GALNT13: variants seen among roughly 807,000 people sequenced by gnomAD.
GALNT13 encodes UDP-GalNAc:polypeptide N-acetylgalactosaminyltransferase 13.
Under a neutral mutation model 64.2 loss-of-function variants are expected in GALNT13, and 28 were observed. The ratio of observed to expected loss-of-function variants is 0.44; its 90% CI spans 0.32 to 0.60. GALNT13 has a LOEUF of 0.60. GALNT13 is among the 20% of genes least tolerant of loss of function. GALNT13 has a pLI of 0.05. For missense variants in GALNT13, 577 were observed against 669.8 expected (o/e 0.86, Z 1.53); for synonymous variants, 214 against 224.6 (o/e 0.95, Z 0.42).
At chr2:153,881,778 C>G (rs1881210) in intron 1 of GALNT13, among the ~76,000 whole-genome samples, 11 of 151,938 alleles carry the variant, frequency 7.2e-5, no homozygotes, top group Non-Finnish European at 1.5e-4. Context: ...TTTCCACAAA[C>G]AGAACAGGAT....
chr2:153,492,608 A>G, the GALNT13 span, among the ~76,000 whole-genome samples: 1 of 152,350 alleles, frequency 6.6e-6, no homozygotes, highest in African/African-American at 2.4e-5. Flanking sequence ...GAGCATAACA[A>G]AAACAACAGA....
chr2:153,118,632 C>T, the GALNT13 span, among the ~76,000 whole-genome samples: 2 of 151,816 alleles, frequency 1.3e-5, no homozygotes, highest in South Asian at 4.1e-4. Flanking sequence ...CATAAAGGCT[C>T]AATAAATAAT....
the GALNT13 span, among the ~76,000 whole-genome samples, chr2:153,414,398 A>T: frequency 0.21 from 30,466 of 148,170 alleles, 4,280 homozygotes; most frequent in African/African-American, 0.41. Context: ...AAAAAAAAAT[A>T]AAATAAAAAG....
the GALNT13 span, among the ~76,000 whole-genome samples, chr2:153,664,651 T>A: frequency 6.6e-6 from 1 of 152,208 alleles, no homozygotes; most frequent in Admixed American, 6.5e-5. Flanking sequence ...TAATTTATGT[T>A]CAGAGATTGC....
intron 3 of GALNT13, among the ~76,000 whole-genome samples, chr2:153,953,054 T>C (rs1692308039): frequency 6.6e-6 from 1 of 152,108 alleles, no homozygotes; most frequent in East Asian, 1.9e-4. Flanking sequence ...CTCAGTCCAC[T>C]GACTCAAATG....
chr2:153,614,710 C>T, the GALNT13 span, among the ~76,000 whole-genome samples: 19 of 152,084 alleles, frequency 1.2e-4, 1 homozygote, highest in South Asian at 2.7e-3. Context: ...CCATGAGACA[C>T]ACTGATTTTG....
the GALNT13 span, among the ~76,000 whole-genome samples, chr2:153,749,267 T>C: frequency 2.0e-5 from 3 of 152,014 alleles, no homozygotes; most frequent in African/African-American, 7.2e-5. Flanking sequence ...GTAATATAAT[T>C]CCTCCAGTTT....
chr2:153,332,534 GTT>G, the GALNT13 span, among the ~76,000 whole-genome samples: 8 of 136,252 alleles, frequency 5.9e-5, no homozygotes, highest in East Asian at 6.5e-4. Flanking sequence ...TGAGAGTATT[GTT>G]TTTTTTTTTT....
At chr2:153,571,977 A>G in the GALNT13 span, among the ~76,000 whole-genome samples, 1 of 151,690 alleles carries the variant, frequency 6.6e-6, no homozygotes, top group Non-Finnish European at 1.5e-5. Context: ...GAGTTTGGAA[A>G]TATTCTGTCC....
chr2:154,433,035 G>A (rs2105452691), intron 11 of GALNT13, among the ~76,000 whole-genome samples: 1 of 152,288 alleles, frequency 6.6e-6, no homozygotes, highest in South Asian at 2.1e-4. Context: ...TGCAACCCAT[G>A]CAATCACACA....
chr2:153,653,684 T>G, the GALNT13 span, among the ~76,000 whole-genome samples: 1 of 152,120 alleles, frequency 6.6e-6, no homozygotes, highest in African/African-American at 2.4e-5. Flanking sequence ...ATACATGAGT[T>G]CATAATAACA....
At chr2:153,272,291 A>G in the GALNT13 span, among the ~76,000 whole-genome samples, 896 of 152,324 alleles carry the variant, frequency 5.9e-3, 8 homozygotes, top group African/African-American at 0.02. Context: ...ATGCTTCTGC[A>G]CAGCAAAAGA....
At chr2:154,354,273 G>T (rs1235051339) in intron 9 of GALNT13, among the ~76,000 whole-genome samples, 1 of 151,704 alleles carries the variant, frequency 6.6e-6, no homozygotes, top group Non-Finnish European at 1.5e-5. Context: ...GAGTTGTGAG[G>T]GTTTTAAATT....
At chr2:153,783,646 A>G in the GALNT13 span, among the ~76,000 whole-genome samples, 1 of 151,962 alleles carries the variant, frequency 6.6e-6, no homozygotes, top group Non-Finnish European at 1.5e-5. Flanking sequence ...AATAATCCCC[A>G]TGTGTCAAGG....
At chr2:153,998,469 C>T (rs192531937) in intron 3 of GALNT13, among the ~76,000 whole-genome samples, 10 of 152,118 alleles carry the variant, frequency 6.6e-5, no homozygotes, top group East Asian at 3.9e-4. Flanking sequence ...TCATATCCTT[C>T]GCCCACTTTT....
chr2:154,366,872 A>G (rs1417779634), intron 9 of GALNT13, among the ~76,000 whole-genome samples: 8 of 152,146 alleles, frequency 5.3e-5, no homozygotes, highest in Admixed American at 4.6e-4. Flanking sequence ...AATGTCACTT[A>G]AGGTACAGGG....
chr2:153,849,037 A>C, the GALNT13 span, among the ~76,000 whole-genome samples: 6 of 152,062 alleles, frequency 3.9e-5, no homozygotes, highest in African/African-American at 1.4e-4. Context: ...TAGCTGCAAA[A>C]GTATTTAAAT....
chr2:153,679,467 C>T, the GALNT13 span, among the ~76,000 whole-genome samples: 7 of 151,852 alleles, frequency 4.6e-5, no homozygotes, highest in Non-Finnish European at 1.0e-4. Context: ...TTGAAAATGA[C>T]AACATAAACT....
chr2:154,450,662 A>G lies in GALNT13; in HGVS notation c.*111A>G, dbSNP rs923675457. 2.1e-6 allele frequency: 2 copies of G among 969,848 alleles called. No individual in the cohort carries two copies. Among genetic ancestry groups the G allele is most frequent in the Non-Finnish European group, 2.9e-6 (2 of 682,684 alleles). The allele number at this position is 969,848 out of a possible 1,614,324, so 60.1% of individuals were successfully genotyped here. A position where few individuals can be genotyped will look rare whatever the true frequency, so the allele number is the denominator to read the frequency against. On this transcript the variant is annotated 3_prime_UTR_variant, in exon 13 of 13. Transcript: ENST00000392825. Reference sequence around the variant, plus strand: ...TGAAAGTTTTAAAAATCCTTTTAGTATTCTAAAACACAATTGTTTCTAATT... The same window carrying G: ...TGAAAGTTTTAAAAATCCTTTTAGTGTTCTAAAACACAATTGTTTCTAATT...
Sources: allele counts gnomAD v4.1 joint callset (sites outside exome capture counted in the v4.1 genomes callset), GRCh38; gene constraint gnomAD v4.1.1; transcripts MANE v1.5; gene names NCBI Gene and HGNC (gene_info 2026-07-23, HGNC 2026-07-21).